The following CHST8 variants were observed in gnomAD, a reference collection of about 807,000 sequenced individuals.
CHST8 encodes GALNAC-4-ST1.
In CHST8, 10 loss-of-function variants were observed where a neutral mutation model predicts 15.0. The ratio of observed to expected loss-of-function variants is 0.67; its 90% CI spans 0.41 to 1.13. The LOEUF is 1.13. Among genes scored for constraint, CHST8 ranks in the 50% most tolerant of loss-of-function variants. The pLI, the probability that CHST8 is intolerant of heterozygous loss-of-function variation, is 0.00. For synonymous variants in CHST8, 259 were observed against 256.6 expected (o/e 1.01, Z -0.09); for missense variants, 634 against 608.2 (o/e 1.04, Z -0.45).
Position 33,757,605 on chromosome 19 carries a change from A to AAAGAAAGAAAGAAAGAAAGAAAGG in CHST8, c.131-13808_131-13807insAAGAAAGAAAGAAAGAAAGAAAGG, listed in dbSNP as rs1365725815. On this transcript the variant is annotated intron_variant, in intron 3 of 4. Coordinates refer to ENST00000650847, the MANE Select transcript of CHST8 (RefSeq NM_001127895.2). ...GAAAGAAAGAAAGAAAGAAAGAAAGAGCCGGCCATTCAGAAGGGAGCAGAA... is the reference window on the plus strand; with the variant it reads ...GAAAGAAAGAAAGAAAGAAAGAAAGAAAGAAAGAAAGAAAGAAAGAAAGGGCCGGCCATTCAGAAGGGAGCAGAA... Among the ~76,000 whole-genome samples, 12 of 112,990 alleles carry AAAGAAAGAAAGAAAGAAAGAAAGG rather than the reference A, an allele frequency of 1.1e-4. 1 individual carries two copies. The highest frequency in any genetic ancestry group is 4.4e-4 in the African/African-American group (12 of 27,478). 74.1% of individuals were successfully genotyped at this position (112,990 alleles called of 152,430 possible).
At chr19:33,676,564 C>T (rs1419742525) in intron 2 of CHST8, among the ~76,000 whole-genome samples, 2 of 148,436 alleles carry the variant, frequency 1.3e-5, no homozygotes, top group Non-Finnish European at 3.0e-5. Flanking sequence ...AGAGAGACTC[C>T]ATCTCAATAT....
chr19:33,689,788 C>T (rs953930795), intron 3 of CHST8, among the ~76,000 whole-genome samples: 1 of 152,190 alleles, frequency 6.6e-6, no homozygotes, highest in Non-Finnish European at 1.5e-5. Context: ...ACTCAGTTTC[C>T]CTGCCCAGCC....
At chr19:33,645,736 G>A (rs932673499) in intron 1 of CHST8, among the ~76,000 whole-genome samples, 1 of 152,114 alleles carries the variant, frequency 6.6e-6, no homozygotes, top group African/African-American at 2.4e-5. Context: ...ATGGAGAGAG[G>A]TTAGAGCTGG....
At chr19:33,741,039 G>A (rs1448903598) in intron 3 of CHST8, among the ~76,000 whole-genome samples, 1 of 152,206 alleles carries the variant, frequency 6.6e-6, no homozygotes, top group Non-Finnish European at 1.5e-5. Flanking sequence ...CCAGTTGCCT[G>A]AGCTGCTGCG....
chr19:33,770,703 C>T (rs1354513997), intron 3 of CHST8, among the ~76,000 whole-genome samples: 2 of 152,164 alleles, frequency 1.3e-5, no homozygotes, highest in Non-Finnish European at 2.9e-5. Context: ...TCTGTGTCTT[C>T]CTGAGGTCAT....
intron 1 of CHST8, among the ~76,000 whole-genome samples, chr19:33,642,253 C>T (rs1600231484): frequency 6.6e-6 from 1 of 152,204 alleles, no homozygotes. Context: ...TGGAGTCTGG[C>T]CCACTCCCCC....
At chr19:33,768,772 A>G (rs1316670863) in intron 3 of CHST8, among the ~76,000 whole-genome samples, 1 of 152,152 alleles carries the variant, frequency 6.6e-6, no homozygotes, top group African/African-American at 2.4e-5. Flanking sequence ...TAAAAATGTT[A>G]AAGTGAGCTT....
intron 3 of CHST8, among the ~76,000 whole-genome samples, chr19:33,717,005 C>G (rs1277388424): frequency 6.6e-6 from 1 of 152,136 alleles, no homozygotes; most frequent in African/African-American, 2.4e-5. Context: ...CTAGGGATCA[C>G]TAGGGTACAC....
intron 2 of CHST8, among the ~76,000 whole-genome samples, chr19:33,675,915 C>A (rs1180355304): frequency 2.0e-5 from 3 of 152,222 alleles, no homozygotes; most frequent in African/African-American, 7.2e-5. Flanking sequence ...AATCCAGGCT[C>A]CCGGGTTGGG....
chr19:33,719,773 C>T (rs1038330992), intron 3 of CHST8, among the ~76,000 whole-genome samples: 9 of 151,834 alleles, frequency 5.9e-5, no homozygotes, highest in Non-Finnish European at 8.8e-5. Flanking sequence ...CACATGCAGT[C>T]GGACCTGAAC....
chr19:33,750,763 C>T lies in CHST8; in HGVS notation c.131-20650C>T, dbSNP rs1360831974. Among the ~76,000 whole-genome samples, 5 of 152,190 alleles carry T rather than the reference C, an allele frequency of 3.3e-5. No homozygotes were observed. In the East Asian group the frequency reaches 7.7e-4, roughly 23 times the overall value. On this transcript the variant is annotated intron_variant, in intron 3 of 4. Coordinates refer to ENST00000650847, the MANE Select transcript of CHST8 (RefSeq NM_001127895.2). ...GGCCCCAGGCACCAGCCGCCCACCC[C>T]CAACGGAGGGAAGAGGCAGTGGTGG...
chr19:33,746,885 C>G (rs1974324320), intron 3 of CHST8, among the ~76,000 whole-genome samples: 1 of 151,862 alleles, frequency 6.6e-6, no homozygotes, highest in South Asian at 2.1e-4. Context: ...TCTTTGGATG[C>G]TACTTGAGTT....
intron 3 of CHST8, among the ~76,000 whole-genome samples, chr19:33,712,889 C>G (rs1318076704): frequency 6.6e-6 from 1 of 152,172 alleles, no homozygotes; most frequent in Non-Finnish European, 1.5e-5. Context: ...GTATATTGGT[C>G]TCTACCATCT....
Position 33,769,207 on chromosome 19 carries a change from GCTGCAAC to G in CHST8, c.131-2203_131-2197del, listed in dbSNP as rs539584412. ...CCAGTGGGAGGTCATGGCCTCAGGG[GCTGCAAC>G]CTCAACAAGCACATGGCCTTCCATC... On this transcript the variant is annotated intron_variant, in intron 3 of 4. Coordinates refer to ENST00000650847, the MANE Select transcript of CHST8 (RefSeq NM_001127895.2). 1.1e-4 allele frequency among the ~76,000 whole-genome samples: 16 copies of G among 152,360 alleles called. No individual in the cohort carries two copies. The East Asian group carries it at 2.5e-3, about 24-fold the overall frequency.
intron 3 of CHST8, among the ~76,000 whole-genome samples, chr19:33,743,411 C>T (rs867452939): frequency 4.0e-5 from 6 of 150,836 alleles, no homozygotes; most frequent in Admixed American, 3.3e-4. Context: ...ATGCCATTCT[C>T]CTGCCTCAGC....
chr19:33,701,485 T>C (rs1033083415), intron 3 of CHST8, among the ~76,000 whole-genome samples: 1 of 152,148 alleles, frequency 6.6e-6, no homozygotes, highest in Admixed American at 6.5e-5. Flanking sequence ...GTCCCAGAAT[T>C]GTTATGCTAA....
At chr19:33,635,567 C>T (rs1972183300) in intron 1 of CHST8, among the ~76,000 whole-genome samples, 1 of 152,068 alleles carries the variant, frequency 6.6e-6, no homozygotes, top group South Asian at 2.1e-4. Flanking sequence ...ATGGCACCTC[C>T]TCCACAGAGG....
chr19:33,717,069 G>A (rs75405001), intron 3 of CHST8, among the ~76,000 whole-genome samples: 2 of 152,140 alleles, frequency 1.3e-5, no homozygotes, highest in Admixed American at 1.3e-4. Flanking sequence ...TCGAATGCCA[G>A]TGGGGCCTCA....
intron 3 of CHST8, among the ~76,000 whole-genome samples, chr19:33,769,032 C>T (rs750527435): frequency 6.6e-6 from 1 of 152,226 alleles, no homozygotes; most frequent in African/African-American, 2.4e-5. Flanking sequence ...ATGCCAAGGG[C>T]TCTAGCTCAG....
Sources: allele counts gnomAD v4.1 joint callset (sites outside exome capture counted in the v4.1 genomes callset), GRCh38; gene constraint gnomAD v4.1.1; transcripts MANE v1.5; gene names NCBI Gene and HGNC (gene_info 2026-07-23, HGNC 2026-07-21).